Variants in RWDD1 observed in about 807,000 individuals in gnomAD.
RWDD1 encodes RWD domain containing 1, also known as RWD domain-containing protein 1.
In RWDD1, 17 loss-of-function variants were observed where a neutral mutation model predicts 31.6. That is an observed-to-expected ratio of 0.54 (90% CI 0.37 to 0.81). The LOEUF is 0.81. RWDD1 is among the 30% of genes least tolerant of loss of function. The pLI, the probability that RWDD1 is intolerant of heterozygous loss-of-function variation, is 0.00. For synonymous variants in RWDD1, 78 were observed against 94.2 expected (o/e 0.83, Z 0.99); for missense variants, 204 against 274.5 (o/e 0.74, Z 1.82).
rs1489870361 is a variant in RWDD1, at chr6:116,593,106, C to T, written c.*5C>T. 5 of 1,610,430 alleles carry T rather than the reference C, an allele frequency of 3.1e-6. No homozygotes were observed. Among genetic ancestry groups the T allele is most frequent in the Non-Finnish European group, 4.2e-6 (5 of 1,178,666 alleles). On this transcript the variant is annotated 3_prime_UTR_variant, in exon 7 of 7. Transcript: ENST00000466444. The stretch of plus-strand genomic sequence containing the variant: ...GAGAGTGACTCAGCTGACTAATGGA[C>T]TGTCCCCATCTGCAGAGAGGCTTGA...
At chr6:116,576,728 A>G (rs1774852878) in intron 1 of RWDD1, among the ~76,000 whole-genome samples, 1 of 152,222 alleles carries the variant, frequency 6.6e-6, no homozygotes, top group Admixed American at 6.5e-5. Flanking sequence ...AAAATTTAGG[A>G]GTAATGACAA....
chr6:116,571,789 T>G, intron 1 of RWDD1, 134 bp downstream of exon 1: 5 of 609,288 alleles, frequency 8.2e-6, no homozygotes, highest in Non-Finnish European at 1.4e-5. Flanking sequence ...TGCCCTCCAC[T>G]CCTCAAGTTC....
intron 2 of RWDD1, among the ~76,000 whole-genome samples, chr6:116,583,400 AG>A (rs1205016329): frequency 6.6e-6 from 1 of 152,184 alleles, no homozygotes; most frequent in East Asian, 1.9e-4. Context: ...AAGGGTACAA[AG>A]GTTCAGTTAT....
chr6:116,579,830 C>T (rs1047141496), intron 1 of RWDD1, among the ~76,000 whole-genome samples: 1 of 152,146 alleles, frequency 6.6e-6, no homozygotes, highest in Non-Finnish European at 1.5e-5. Flanking sequence ...AAGACATAAA[C>T]TTTAACAAAT....
In RWDD1 at chr6:116,597,116, A is replaced by G. The variant is rs1775250735; in HGVS notation, c.*4015A>G. ...TCCAGGAATACTGAACCAAGTGAGGAGAAAGATAGCAGTGGGTTGCTGCAA... is the reference window on the plus strand; with the variant it reads ...TCCAGGAATACTGAACCAAGTGAGGGGAAAGATAGCAGTGGGTTGCTGCAA... On this transcript the variant is annotated 3_prime_UTR_variant, in exon 7 of 7. Transcript: ENST00000466444. 1 of 152,146 alleles carries G rather than the reference A, an allele frequency of 6.6e-6. No homozygotes were observed. The highest frequency in any genetic ancestry group is 2.4e-5 in the African/African-American group (1 of 41,418). The allele number at this position is 152,146 out of a possible 1,614,324, so 9.4% of individuals were successfully genotyped here. A position where few individuals can be genotyped will look rare whatever the true frequency, so the allele number is the denominator to read the frequency against.
intron 3 of RWDD1, among the ~76,000 whole-genome samples, chr6:116,586,297 A>G (rs557055680): frequency 1.3e-5 from 2 of 152,298 alleles, no homozygotes; most frequent in South Asian, 2.1e-4. Context: ...TGTACCAACT[A>G]TGTATAATTA....
intron 1 of RWDD1, among the ~76,000 whole-genome samples, chr6:116,579,908 A>G (rs1468006357): frequency 6.6e-6 from 1 of 152,212 alleles, no homozygotes; most frequent in African/African-American, 2.4e-5. Flanking sequence ...AAAATCAGTG[A>G]AACATGAGTA....
At chr6:116,580,174 G>A in intron 1 of RWDD1, 121 bp from the exon 2 acceptor site, 1 of 525,656 alleles carries the variant, frequency 1.9e-6, no homozygotes, top group Non-Finnish European at 3.4e-6. Context: ...GTCTGTATTT[G>A]TGGAAATGGA....
chr6:116,592,507 T>C (rs1374392927), intron 6 of RWDD1, among the ~76,000 whole-genome samples: 1 of 152,208 alleles, frequency 6.6e-6, no homozygotes. Flanking sequence ...CTTTAGACAT[T>C]GTAACTGAAG....
At chr6:116,587,256 T>C (rs1457084830) in intron 3 of RWDD1, among the ~76,000 whole-genome samples, 1 of 152,132 alleles carries the variant, frequency 6.6e-6, no homozygotes, top group Non-Finnish European at 1.5e-5. Flanking sequence ...CAGAATCTTA[T>C]GAAATATAAG....
intron 2 of RWDD1, 110 bp downstream of exon 2, chr6:116,580,470 C>A: frequency 1.5e-6 from 1 of 649,064 alleles, no homozygotes; most frequent in Non-Finnish European, 2.6e-6. Context: ...GGGGCTGTTA[C>A]GAATCTGCTA....
intron 3 of RWDD1, among the ~76,000 whole-genome samples, chr6:116,588,419 A>G (rs1775079358): frequency 6.6e-6 from 1 of 152,156 alleles, no homozygotes; most frequent in South Asian, 2.1e-4. Flanking sequence ...TCAAATCTAA[A>G]GAAAAAAAGG....
Position 116,593,063 on chromosome 6 carries a change from T to C in RWDD1, c.694T>C (p.Tyr232His). The C allele has an allele frequency of 6.2e-7, 1 of 1,613,998 alleles. No individual in the cohort carries two copies. Reference sequence around the variant, plus strand: ...GGAGGATGATGAAGATGATCCAGACTATAATCCTGCTGACCCAGAGAGTGA... The same window carrying C: ...GGAGGATGATGAAGATGATCCAGACCATAATCCTGCTGACCCAGAGAGTGA... ...ELEDDEDDPD[Y>H]NPADPESDSA... Residue 232 changes from tyrosine (Y) to histidine (H), a missense_variant, in exon 7 of 7, where the codon TAT becomes CAT. Tyr to His is a moderately conservative substitution (Grantham distance 83). Transcript: ENST00000466444.
chr6:116,596,509 T>C lies in RWDD1; in HGVS notation c.*3408T>C, dbSNP rs775379263. On this transcript the variant is annotated 3_prime_UTR_variant, in exon 7 of 7. Transcript: ENST00000466444. ...GTTGGACAAAGCCATGAAAGGACTT[T>C]TAAAATTTTGTCATAAAAATAGCCA... 8.5e-5 allele frequency: 13 copies of C among 152,326 alleles called. No individual in the cohort carries two copies. The highest frequency in any genetic ancestry group is 3.9e-4 in the East Asian group (2 of 5,184). The allele number at this position is 152,326 out of a possible 1,614,324, so 9.4% of individuals were successfully genotyped here.
chr6:116,586,234 C>T (rs1337945836), intron 3 of RWDD1, among the ~76,000 whole-genome samples: 1 of 151,564 alleles, frequency 6.6e-6, no homozygotes, highest in African/African-American at 2.4e-5. Flanking sequence ...ATTGCAGAAA[C>T]TCAGAAGATA....
intron 6 of RWDD1, 148 bp downstream of exon 6, chr6:116,591,098 T>TAAAA: frequency 7.4e-6 from 6 of 810,884 alleles, no homozygotes; most frequent in Non-Finnish European, 9.7e-6. Flanking sequence ...CTGACTCTAT[T>TAAAA]AAAAAAAAAA....
At chr6:116,574,425 T>G (rs1774797916) in intron 1 of RWDD1, among the ~76,000 whole-genome samples, 1 of 152,222 alleles carries the variant, frequency 6.6e-6, no homozygotes, top group Non-Finnish European at 1.5e-5. Flanking sequence ...TTCTAAGTCA[T>G]ACTTTTTGAA....
In RWDD1 at chr6:116,593,777, C is replaced by G. The variant is rs1775192555; in HGVS notation, c.*676C>G. Reference sequence around the variant, plus strand: ...TGGCTAACACGGTGAAACCCCGTCTCTATTAAAAATACAAAAAATTAGCCA... The same window carrying G: ...TGGCTAACACGGTGAAACCCCGTCTGTATTAAAAATACAAAAAATTAGCCA... On this transcript the variant is annotated 3_prime_UTR_variant, in exon 7 of 7. Coordinates refer to ENST00000466444, the MANE Select transcript of RWDD1 (RefSeq NM_015952.4). 6.6e-6 allele frequency: 1 copy of G among 152,216 alleles called. No homozygotes were observed. Among genetic ancestry groups the G allele is most frequent in the African/African-American group, 2.4e-5 (1 of 41,410 alleles). The allele number at this position is 152,216 out of a possible 1,614,324, so 9.4% of individuals were successfully genotyped here.
Position 116,590,870 on chromosome 6 carries a change from C to CTTTTT in RWDD1, c.548-7_548-3dup. ...AACTATGCCATTTGAATTAAACATA[C>CTTTTT]TTTTTTTTTTTTTTTAGGGAAACAA... On this transcript the variant is annotated splice_polypyrimidine_tract_variant and intron_variant, in intron 5 of 6. Coordinates refer to ENST00000466444, the MANE Select transcript of RWDD1 (RefSeq NM_015952.4). 6.7e-7 allele frequency: 1 copy of CTTTTT among 1,483,490 alleles called. No homozygotes were observed. Among genetic ancestry groups the CTTTTT allele is most frequent in the South Asian group, 1.3e-5 (1 of 75,148 alleles). The allele number at this position is 1,483,490 out of a possible 1,614,324, so 91.9% of individuals were successfully genotyped here. A position where few individuals can be genotyped will look rare whatever the true frequency, so the allele number is the denominator to read the frequency against.
Sources: gnomAD v4.1 joint callset for allele counts (sites outside exome capture counted in the v4.1 genomes callset) on GRCh38, gnomAD v4.1.1 for gene constraint, MANE v1.5 for transcripts, NCBI Gene and HGNC (gene_info 2026-07-23, HGNC 2026-07-21) for gene names.